The following AHCYL2 variants were observed in gnomAD, a reference collection of about 807,000 sequenced individuals.
AHCYL2 encodes the protein S-adenosylhomocysteine hydrolase-like protein 2.
In AHCYL2, 28 loss-of-function variants were observed where a neutral mutation model predicts 81.4. The ratio of observed to expected loss-of-function variants is 0.34; its 90% CI spans 0.25 to 0.47. AHCYL2 has a LOEUF of 0.47. Ranked by LOEUF, AHCYL2 falls within the 20% of genes least tolerant of loss-of-function variation. The pLI, the probability that AHCYL2 is intolerant of heterozygous loss-of-function variation, is 1.00. For synonymous variants in AHCYL2, 272 were observed against 290.2 expected (o/e 0.94, Z 0.64); for missense variants, 551 against 785.1 (o/e 0.70, Z 3.56).
At chr7:129,320,682 GT>G (rs1797983869) in intron 1 of AHCYL2, among the ~76,000 whole-genome samples, 1 of 152,064 alleles carries the variant, frequency 6.6e-6, no homozygotes, top group Non-Finnish European at 1.5e-5. Context: ...AAGTTCAGTG[GT>G]TTTTAGTATA....
chr7:129,324,589 C>T (rs941832600), intron 1 of AHCYL2, among the ~76,000 whole-genome samples: 3 of 152,176 alleles, frequency 2.0e-5, no homozygotes, highest in African/African-American at 7.2e-5. Context: ...GATCTTGGCT[C>T]ATTGCAAGCT....
chr7:129,377,652 T>A (rs1306401756), intron 1 of AHCYL2: 2 of 456,450 alleles, frequency 4.4e-6, no homozygotes, highest in Non-Finnish European at 8.8e-6. Flanking sequence ...CCTTTGATCA[T>A]TTTCATTAGA....
intron 12 of AHCYL2, among the ~76,000 whole-genome samples, 159 bp from the exon 13 acceptor site, chr7:129,422,681 G>A (rs1203984603): frequency 6.6e-6 from 1 of 152,164 alleles, no homozygotes; most frequent in Non-Finnish European, 1.5e-5. Context: ...TAAATTCCCT[G>A]AAATGGAACA....
chr7:129,260,090 A>T (rs1328391117), intron 1 of AHCYL2, among the ~76,000 whole-genome samples: 1 of 151,942 alleles, frequency 6.6e-6, no homozygotes, highest in Non-Finnish European at 1.5e-5. Flanking sequence ...AAAAAAAAAA[A>T]AAAGCTGATA....
At chr7:129,262,972 G>A (rs1795693529) in intron 1 of AHCYL2, among the ~76,000 whole-genome samples, 1 of 152,164 alleles carries the variant, frequency 6.6e-6, no homozygotes, top group Admixed American at 6.5e-5. Context: ...GGCTGGAGGT[G>A]GGACCATAAA....
intron 1 of AHCYL2, among the ~76,000 whole-genome samples, chr7:129,238,993 A>C (rs2150685934): frequency 6.6e-6 from 1 of 150,384 alleles, no homozygotes; most frequent in South Asian, 2.2e-4. Flanking sequence ...TTCCAGCTTT[A>C]CAAGTCTAGA....
chr7:129,370,423 G>A lies in AHCYL2; in HGVS notation c.364-9215G>A, dbSNP rs541192791. Among the ~76,000 whole-genome samples the A allele has an allele frequency of 7.7e-4, 117 of 152,134 alleles. 2 individuals carry two copies. The highest frequency in any genetic ancestry group is 5.8e-3 in the East Asian group (30 of 5,166). On this transcript the variant is annotated intron_variant, in intron 1 of 16. Transcript: ENST00000325006. ...TAAATAAAAAAATTTGCAGCCGGGT[G>A]CGGTGGCTCACGCCTGTAATCCCAG...
intron 1 of AHCYL2, among the ~76,000 whole-genome samples, chr7:129,247,974 T>C (rs1795119095): frequency 6.6e-6 from 1 of 152,200 alleles, no homozygotes; most frequent in Admixed American, 6.5e-5. Flanking sequence ...ATCTCCTTTG[T>C]TTTCGTCTAA....
intron 1 of AHCYL2, among the ~76,000 whole-genome samples, chr7:129,356,733 TC>T (rs1234897245): frequency 6.6e-6 from 1 of 152,154 alleles, no homozygotes; most frequent in African/African-American, 2.4e-5. Context: ...GAAACAGAGA[TC>T]CTTAGTTCAT....
intron 1 of AHCYL2, among the ~76,000 whole-genome samples, chr7:129,235,513 C>T (rs1156954365): frequency 6.6e-6 from 1 of 152,106 alleles, no homozygotes; most frequent in Non-Finnish European, 1.5e-5. Flanking sequence ...GCCTCAACTT[C>T]CCAGGCTCAA....
At chr7:129,375,597 G>C (rs1794642409) in intron 1 of AHCYL2, 1 of 1,307,108 alleles carries the variant, frequency 7.7e-7, no homozygotes, top group African/African-American at 1.5e-5. Context: ...GTAATTAGGT[G>C]TTTAGGAAAA....
At chr7:129,236,466 G>T (rs1794648706) in intron 1 of AHCYL2, among the ~76,000 whole-genome samples, 1 of 152,050 alleles carries the variant, frequency 6.6e-6, no homozygotes, top group South Asian at 2.1e-4. Flanking sequence ...CTCCCAAAGT[G>T]CTGGGATTAT....
At chr7:129,390,038 G>A (rs573808713) in intron 4 of AHCYL2, among the ~76,000 whole-genome samples, 1 of 152,096 alleles carries the variant, frequency 6.6e-6, no homozygotes, top group East Asian at 1.9e-4. Context: ...GACCCCTAGT[G>A]GACACCTGAA....
At chr7:129,400,442 G>A in intron 6 of AHCYL2, 58 bp downstream of exon 6, 1 of 1,513,586 alleles carries the variant, frequency 6.6e-7, no homozygotes, top group Non-Finnish European at 9.1e-7. Flanking sequence ...GATGGGTGGA[G>A]GTTATGGCCT....
chr7:129,400,424 G>C, intron 6 of AHCYL2, 40 bp downstream of exon 6: 1 of 1,585,666 alleles, frequency 6.3e-7, no homozygotes, highest in Non-Finnish European at 8.6e-7. Flanking sequence ...GTAGGGGTCA[G>C]GAATGGGGAT....
chr7:129,231,252 A>G (rs1469884629), intron 1 of AHCYL2, among the ~76,000 whole-genome samples: 1 of 152,148 alleles, frequency 6.6e-6, no homozygotes, highest in African/African-American at 2.4e-5. Flanking sequence ...AAAAAGAAAA[A>G]AAAAAGCTGC....
At chr7:129,345,055 T>G (rs1173487930) in intron 1 of AHCYL2, among the ~76,000 whole-genome samples, 1 of 152,018 alleles carries the variant, frequency 6.6e-6, no homozygotes, top group African/African-American at 2.4e-5. Context: ...CTCGGGAGGT[T>G]GAGGCAGGAA....
chr7:129,340,653 G>A (rs4517061), intron 1 of AHCYL2, among the ~76,000 whole-genome samples: 133,429 of 151,972 alleles, frequency 0.88, 58,917 homozygotes, highest in East Asian at 0.98. Flanking sequence ...CAATTCTTCT[G>A]TTGAAATTTT....
intron 2 of AHCYL2, among the ~76,000 whole-genome samples, chr7:129,384,432 A>G (rs771766507): frequency 3.8e-4 from 57 of 151,608 alleles, no homozygotes; most frequent in Non-Finnish European, 7.2e-4. Context: ...AGCACTTAGA[A>G]CTGTGTTTGA....
Sources: allele counts gnomAD v4.1 joint callset (sites outside exome capture counted in the v4.1 genomes callset), GRCh38; gene constraint gnomAD v4.1.1; transcripts MANE v1.5; gene names NCBI Gene and HGNC (gene_info 2026-07-23, HGNC 2026-07-21).